The following ABLIM3 variants were observed in gnomAD, a reference collection of about 807,000 sequenced individuals.
The protein encoded by ABLIM3 is actin binding LIM protein family member 3, also known as actin-binding LIM protein 3.
A neutral mutation model predicts 109.5 loss-of-function variants in ABLIM3; 61 were observed. The observed-to-expected ratio is 0.56, with a 90% CI of 0.45 to 0.69. ABLIM3 has a LOEUF of 0.69. ABLIM3 is among the 30% of genes least tolerant of loss of function. The pLI, the probability that ABLIM3 is intolerant of heterozygous loss-of-function variation, is 0.00. For synonymous variants in ABLIM3, 300 were observed against 324.8 expected (o/e 0.92, Z 0.82); for missense variants, 796 against 889.5 (o/e 0.89, Z 1.34).
chr5:149,258,814 G>T lies in ABLIM3; in HGVS notation c.*410G>T, dbSNP rs188443284. 1.7e-3 allele frequency: 1,666 copies of T among 990,808 alleles called. 6 individuals carry two copies. In the Middle Eastern group the frequency reaches 0.019, roughly 11 times the overall value. The allele number at this position is 990,808 out of a possible 1,614,324, so 61.4% of individuals were successfully genotyped here. On this transcript the variant is annotated 3_prime_UTR_variant, in exon 24 of 24. Transcript: ENST00000309868. Reference sequence around the variant, plus strand: ...TCCACACCTTATTGGCCCCAGAGGGGCCCTCCCATGGGAAGATCTGCAGCA... The same window carrying T: ...TCCACACCTTATTGGCCCCAGAGGGTCCCTCCCATGGGAAGATCTGCAGCA...
At chr5:149,159,640 C>T (rs558738893) in intron 2 of ABLIM3, among the ~76,000 whole-genome samples, 1 of 152,318 alleles carries the variant, frequency 6.6e-6, no homozygotes, top group South Asian at 2.1e-4. Flanking sequence ...CTCCTGCTAA[C>T]TCTGTGACCT....
At position 149,258,393 on chromosome 5, in the gene ABLIM3, C is replaced by T. The variant is rs779297425; in HGVS notation, c.2041C>T (p.Arg681Trp). ...GAGGAATGAACTGAAGAAGCAAGCC[C>T]GGCTGTTCTAGGCAGAGGCTCTATA... Reference protein sequence around the residue: ...WKRNELKKQARLF With the variant: ...WKRNELKKQAWLF The change falls in exon 24 of 24, where the codon CGG becomes TGG. Residue 681 changes from arginine (R) to tryptophan (W), a missense_variant. Coordinates refer to ENST00000309868, the MANE Select transcript of ABLIM3 (RefSeq NM_014945.5). 13 of 1,613,774 alleles carry T rather than the reference C, an allele frequency of 8.1e-6. No homozygotes were observed. The highest frequency in any genetic ancestry group is 1.7e-5 in the Admixed American group (1 of 59,986).
intron 2 of ABLIM3, among the ~76,000 whole-genome samples, chr5:149,166,513 C>T (rs1421543352): frequency 6.6e-6 from 1 of 152,218 alleles, no homozygotes; most frequent in African/African-American, 2.4e-5. Context: ...TGCCCCAAGT[C>T]TCCCAGTATG....
Position 149,249,691 on chromosome 5 carries a change from G to A in ABLIM3, c.1700-124G>A, listed in dbSNP as rs1753743424. 18 of 1,061,150 alleles carry A rather than the reference G, an allele frequency of 1.7e-5. 1 individual carries two copies. The South Asian group carries it at 2.2e-4, about 13-fold the overall frequency. The allele number at this position is 1,061,150 out of a possible 1,614,324, so 65.7% of individuals were successfully genotyped here. ...ACCAGTTCAGGAGGGGCTGCAGGAG[G>A]CCCCTTTTCCCAGCCAGCCAGGGGG... On this transcript the variant is annotated intron_variant, in intron 18 of 23. Coordinates refer to ENST00000309868, the MANE Select transcript of ABLIM3 (RefSeq NM_014945.5).
At chr5:149,171,970 A>G (rs1326771128) in intron 2 of ABLIM3, among the ~76,000 whole-genome samples, 2 of 147,212 alleles carry the variant, frequency 1.4e-5, no homozygotes, top group African/African-American at 5.1e-5. Context: ...CACTAGACAC[A>G]TGCGGATACT....
chr5:149,245,640 G>A (rs546247634), intron 16 of ABLIM3, among the ~76,000 whole-genome samples: 38 of 152,224 alleles, frequency 2.5e-4, no homozygotes, highest in African/African-American at 9.2e-4. Flanking sequence ...CACTTTGGCT[G>A]TAGGGTAAAA....
chr5:149,192,901 A>G (rs965826968), intron 3 of ABLIM3, among the ~76,000 whole-genome samples: 1 of 152,164 alleles, frequency 6.6e-6, no homozygotes, highest in South Asian at 2.1e-4. Context: ...AAGAGAGGAG[A>G]ACAAGTTAAT....
Position 149,247,779 on chromosome 5 carries a change from C to T in ABLIM3, c.1552-3C>T, listed in dbSNP as rs764342411. The T allele has an allele frequency of 9.4e-5, 152 of 1,614,140 alleles. No homozygotes were observed. The highest frequency in any genetic ancestry group is 1.2e-4 in the Non-Finnish European group (146 of 1,180,062). ...CTTTATCTTGCTCTTCCCCGACCCT[C>T]AGCTCCAAAGTGGAATTGGCCGGCT... is the stretch of plus-strand genomic sequence containing the variant. On this transcript the variant is annotated splice_region_variant and splice_polypyrimidine_tract_variant and intron_variant, in intron 17 of 23. Transcript: ENST00000309868.
chr5:149,197,899 A>C (rs1337814401), intron 3 of ABLIM3, among the ~76,000 whole-genome samples: 1 of 152,178 alleles, frequency 6.6e-6, no homozygotes, highest in African/African-American at 2.4e-5. Flanking sequence ...GCAGATGCCC[A>C]GGCCTCAGTC....
At chr5:149,168,276 C>CT (rs1461226462) in intron 2 of ABLIM3, among the ~76,000 whole-genome samples, 1 of 152,122 alleles carries the variant, frequency 6.6e-6, no homozygotes, top group African/African-American at 2.4e-5. Context: ...CTCAAGCGCT[C>CT]TGTAAGGGAC....
At position 149,259,263 on chromosome 5, in the gene ABLIM3, C is replaced by A. The variant is rs557863705; in HGVS notation, c.*859C>A. 1 of 1,316,936 alleles carries A rather than the reference C, an allele frequency of 7.6e-7. No individual in the cohort carries two copies. The highest frequency in any genetic ancestry group is 3.2e-5 in the East Asian group (1 of 31,136). The allele number at this position is 1,316,936 out of a possible 1,614,324, so 81.6% of individuals were successfully genotyped here. A position where few individuals can be genotyped will look rare whatever the true frequency, so the allele number is the denominator to read the frequency against. On this transcript the variant is annotated 3_prime_UTR_variant, in exon 24 of 24. Coordinates refer to ENST00000309868, the MANE Select transcript of ABLIM3 (RefSeq NM_014945.5). ...CCTCACTGCTCCCAGCACCTCCTGA[C>A]CCTTCCCTCTTTCAAGGAGAAGCCC...
At position 149,216,079 on chromosome 5, in the gene ABLIM3, G is replaced by A. The variant is rs73795937; in HGVS notation, c.670-880G>A. ...CCAAAGTCACACTGGGGTGAGCTGC[G>A]GTAGGGCTGGACACACCAGGGCAAA... On this transcript the variant is annotated intron_variant, in intron 7 of 23. Coordinates refer to ENST00000309868, the MANE Select transcript of ABLIM3 (RefSeq NM_014945.5). Among the ~76,000 whole-genome samples the A allele has an allele frequency of 1.4e-3, 217 of 152,274 alleles. 1 individual carries two copies. The highest frequency in any genetic ancestry group is 4.7e-3 in the African/African-American group (197 of 41,550).
intron 15 of ABLIM3, among the ~76,000 whole-genome samples, chr5:149,242,992 T>G (rs1753010588): frequency 6.6e-6 from 1 of 152,202 alleles, no homozygotes; most frequent in Non-Finnish European, 1.5e-5. Context: ...CAGCCCAACT[T>G]GGGAACCCCT....
intron 5 of ABLIM3, among the ~76,000 whole-genome samples, chr5:149,204,031 G>A (rs1758735380): frequency 6.6e-6 from 1 of 152,176 alleles, no homozygotes. Flanking sequence ...GACATGACTT[G>A]CAACTTGGGA....
At chr5:149,176,744 T>A (rs1046354148) in intron 2 of ABLIM3, among the ~76,000 whole-genome samples, 1 of 152,164 alleles carries the variant, frequency 6.6e-6, no homozygotes, top group Non-Finnish European at 1.5e-5. Context: ...CATTAACTGC[T>A]CCTATTACTT....
rs757182651 is a variant in ABLIM3 at position 149,198,432 on chromosome 5, C to T, written c.335+30C>T. ...GTGGGCGACCAGCAGGGCCTGGGAC[C>T]CTCTGCATAAGCCCCCGGGGCAGGG... On this transcript the variant is annotated intron_variant, in intron 4 of 23. Coordinates refer to ENST00000309868, the MANE Select transcript of ABLIM3 (RefSeq NM_014945.5). This position sits in a 1 kb window ranked among gnomAD's most constrained non-coding sequence, Gnocchi z 4.2. The T allele has an allele frequency of 5.7e-6, 9 of 1,576,424 alleles. No homozygotes were observed. The highest frequency in any genetic ancestry group is 7.7e-6 in the Non-Finnish European group (9 of 1,162,068).
rs764724028 is a variant in ABLIM3, at chr5:149,251,405, A to G, written c.1835A>G (p.Asn612Ser). ...CACTACGACAGCATGAACGCAGTCA[A>G]CTGGGGCATGCGAGGTGAGTGCAGG... is the stretch of plus-strand genomic sequence containing the variant. ...LFHYDSMNAV[N>S]WGMREYKIYP... The change falls in exon 21 of 24, where the codon AAC (asparagine) becomes AGC (serine). Residue 612 changes from asparagine (N) to serine (S), a missense_variant. Transcript: ENST00000309868. 15 of 1,614,042 alleles carry G rather than the reference A, an allele frequency of 9.3e-6. No individual in the cohort carries two copies. The South Asian group carries it at 9.9e-5, about 11-fold the overall frequency.
chr5:149,248,462 C>T (rs148847384), intron 18 of ABLIM3, among the ~76,000 whole-genome samples: 6,200 of 152,030 alleles, frequency 0.041, 435 homozygotes, highest in African/African-American at 0.14. Context: ...GAGGCCGAGG[C>T]GGGCAGATCA....
At chr5:149,195,673 A>T (rs1226135787) in intron 3 of ABLIM3, among the ~76,000 whole-genome samples, 1 of 152,200 alleles carries the variant, frequency 6.6e-6, no homozygotes, top group Non-Finnish European at 1.5e-5. Flanking sequence ...GTTGTAGGCC[A>T]TGACCTAATT....
Sources: gnomAD v4.1 joint callset for allele counts (sites outside exome capture counted in the v4.1 genomes callset) on GRCh38, gnomAD v4.1.1 for gene constraint, Gnocchi (gnomAD v3.1) non-coding constraint, MANE v1.5 for transcripts, NCBI Gene and HGNC (gene_info 2026-07-23, HGNC 2026-07-21) for gene names.